The following MAST4 variants were observed in gnomAD, a reference collection of about 807,000 sequenced individuals.
MAST4 encodes microtubule-associated serine/threonine-protein kinase 4.
In MAST4, 89 loss-of-function variants were observed where a neutral mutation model predicts 162.7. The ratio of observed to expected loss-of-function variants is 0.55; its 90% CI spans 0.46 to 0.65. The LOEUF (loss-of-function observed/expected upper bound fraction) is 0.65. Ranked by LOEUF, MAST4 falls within the 30% of genes least tolerant of loss-of-function variation. MAST4 has a pLI of 0.00. For synonymous variants in MAST4, 1,479 were observed against 1,361.1 expected (o/e 1.09, Z -1.91); for missense variants, 3,153 against 3,374.0 (o/e 0.93, Z 1.62).
intron 1 of MAST4, among the ~76,000 whole-genome samples, chr5:66,716,388 G>A (rs932378748): frequency 3.9e-5 from 6 of 151,922 alleles, no homozygotes; most frequent in African/African-American, 9.7e-5. Flanking sequence ...GGTCTTACTC[G>A]GTTGCCCAGC....
chr5:66,768,919 A>G (rs920285122), intron 2 of MAST4, among the ~76,000 whole-genome samples: 2 of 152,144 alleles, frequency 1.3e-5, no homozygotes, highest in Non-Finnish European at 2.9e-5. Context: ...GAGTTATTGG[A>G]TTTAATGGCT....
In MAST4 at chr5:66,858,856, A is replaced by G. The variant is rs913257811; in HGVS notation, c.643-41095A>G. Among the ~76,000 whole-genome samples, 3 of 152,124 alleles carry G rather than the reference A, an allele frequency of 2.0e-5. No homozygotes were observed. In the East Asian group the frequency reaches 5.8e-4, roughly 29 times the overall value. ...ATTAAGCTGTTTTACACTTTTCACTATATAGATGTTGTTCATCCTTTGATA... is the reference window on the plus strand; with the variant it reads ...ATTAAGCTGTTTTACACTTTTCACTGTATAGATGTTGTTCATCCTTTGATA... On this transcript the variant is annotated intron_variant, in intron 3 of 28. Coordinates refer to ENST00000403625, the MANE Select transcript of MAST4 (RefSeq NM_001164664.2).
chr5:66,636,898 T>A (rs368945437), intron 1 of MAST4, among the ~76,000 whole-genome samples: 2 of 152,284 alleles, frequency 1.3e-5, no homozygotes, highest in African/African-American at 4.8e-5. Context: ...ACATGCAGAT[T>A]ATATTGTTTG....
At chr5:67,007,010 A>G (rs1752114506) in intron 4 of MAST4, among the ~76,000 whole-genome samples, 1 of 152,184 alleles carries the variant, frequency 6.6e-6, no homozygotes, top group Non-Finnish European at 1.5e-5. Context: ...GGAAATAAAC[A>G]TCCCAAAGAT....
intron 7 of MAST4, 102 bp from the exon 8 acceptor site, chr5:67,100,332 TA>T: frequency 9.2e-7 from 1 of 1,086,210 alleles, no homozygotes; most frequent in Non-Finnish European, 1.3e-6. Flanking sequence ...AAAGAAACAA[TA>T]AAAATGGTGG....
intron 14 of MAST4, among the ~76,000 whole-genome samples, chr5:67,128,852 C>A (rs1429689449): frequency 6.6e-6 from 1 of 152,118 alleles, no homozygotes; most frequent in African/African-American, 2.4e-5. Context: ...GATGGCTGTT[C>A]AGGTAAATGA....
At chr5:67,078,207 G>A (rs899470929) in intron 5 of MAST4, among the ~76,000 whole-genome samples, 2 of 151,892 alleles carry the variant, frequency 1.3e-5, no homozygotes, top group African/African-American at 2.4e-5. Flanking sequence ...AAGCCATAAA[G>A]GAAAGTGGTT....
At chr5:66,984,572 T>G (rs932930071) in intron 4 of MAST4, among the ~76,000 whole-genome samples, 4 of 152,224 alleles carry the variant, frequency 2.6e-5, no homozygotes, top group African/African-American at 9.6e-5. Flanking sequence ...TAATCTGATT[T>G]GCCTCTTTAA....
chr5:66,680,336 G>A (rs1277714770), intron 1 of MAST4, among the ~76,000 whole-genome samples: 1 of 152,160 alleles, frequency 6.6e-6, no homozygotes, highest in Non-Finnish European at 1.5e-5. Flanking sequence ...GAAGAGCCAC[G>A]CAGCAGTTGC....
chr5:66,741,110 C>CT (rs1193136100), intron 1 of MAST4, among the ~76,000 whole-genome samples: 2 of 152,198 alleles, frequency 1.3e-5, no homozygotes, highest in African/African-American at 4.8e-5. Context: ...ACTTCAGGGC[C>CT]TTTGATACTT....
At chr5:66,831,494 A>G (rs1051832081) in intron 3 of MAST4, among the ~76,000 whole-genome samples, 1 of 152,236 alleles carries the variant, frequency 6.6e-6, no homozygotes, top group Non-Finnish European at 1.5e-5. Flanking sequence ...GTATGTATTT[A>G]GGACCAATTT....
chr5:66,927,323 G>T (rs1033696861), intron 4 of MAST4, among the ~76,000 whole-genome samples: 4 of 152,162 alleles, frequency 2.6e-5, no homozygotes, highest in African/African-American at 7.2e-5. Flanking sequence ...TTATTTACTT[G>T]TACTCTTGTT....
chr5:66,741,602 A>G (rs1006427957), intron 1 of MAST4, among the ~76,000 whole-genome samples: 7 of 152,182 alleles, frequency 4.6e-5, no homozygotes. Context: ...ATAACAGTGA[A>G]GGTCAGGAAT....
chr5:67,078,465 A>G (rs998865368), intron 5 of MAST4, among the ~76,000 whole-genome samples: 4 of 151,188 alleles, frequency 2.6e-5, no homozygotes, highest in Non-Finnish European at 5.9e-5. Flanking sequence ...CTTCACTCAT[A>G]ATCATCTGAA....
intron 13 of MAST4, among the ~76,000 whole-genome samples, chr5:67,119,213 T>C (rs1326886632): frequency 6.7e-6 from 1 of 149,076 alleles, no homozygotes; most frequent in Admixed American, 6.7e-5. Flanking sequence ...GTGGGAGGAG[T>C]GGACAGGGAG....
At chr5:66,780,773 C>T (rs570470507) in intron 2 of MAST4, among the ~76,000 whole-genome samples, 7 of 152,132 alleles carry the variant, frequency 4.6e-5, no homozygotes, top group African/African-American at 7.2e-5. Flanking sequence ...CTGATTGGTG[C>T]GTTTACAGTC....
chr5:66,648,168 A>ATT (rs946568748), intron 1 of MAST4, among the ~76,000 whole-genome samples: 71 of 133,956 alleles, frequency 5.3e-4, no homozygotes, highest in African/African-American at 1.9e-3. Flanking sequence ...CATAATATAT[A>ATT]AAAAAAAATC....
intron 1 of MAST4, among the ~76,000 whole-genome samples, chr5:66,753,225 T>C (rs536220005): frequency 3.2e-4 from 49 of 152,154 alleles, no homozygotes; most frequent in East Asian, 3.1e-3. Flanking sequence ...GACACCCTAA[T>C]ATCACAATTA....
chr5:66,733,546 G>A (rs560576450), intron 1 of MAST4, among the ~76,000 whole-genome samples: 9 of 152,066 alleles, frequency 5.9e-5, no homozygotes, highest in African/African-American at 2.2e-4. Flanking sequence ...TGCAACCTCC[G>A]CCTCGGGTTC....
Sources: allele counts gnomAD v4.1 joint callset (sites outside exome capture counted in the v4.1 genomes callset), GRCh38; gene constraint gnomAD v4.1.1; transcripts MANE v1.5; gene names NCBI Gene and HGNC (gene_info 2026-07-23, HGNC 2026-07-21).